The following IL2RB variants were observed in gnomAD, a reference collection of about 807,000 sequenced individuals.
The protein encoded by IL2RB is interleukin 2 receptor subunit beta.
In IL2RB, 17 loss-of-function variants were observed where a neutral mutation model predicts 44.2. That is an observed-to-expected ratio of 0.38 (90% confidence interval 0.26 to 0.58). The LOEUF (loss-of-function observed/expected upper bound fraction) is 0.58. Among genes scored for constraint, IL2RB ranks in the 20% least tolerant of loss-of-function variants. IL2RB has a pLI of 0.63. For synonymous variants in IL2RB, 286 were observed against 297.9 expected (o/e 0.96, Z 0.41); for missense variants, 624 against 685.5 (o/e 0.91, Z 1.00).
At chr22:37,167,392 C>T (rs1332584489) in intron 1 of IL2RB, among the ~76,000 whole-genome samples, 1 of 152,220 alleles carries the variant, frequency 6.6e-6, no homozygotes, top group Non-Finnish European at 1.5e-5. Flanking sequence ...ATGCCCTCTG[C>T]CCCAGCGACT....
intron 1 of IL2RB, among the ~76,000 whole-genome samples, chr22:37,157,388 C>G (rs1299601040): frequency 6.6e-6 from 1 of 152,132 alleles, no homozygotes; most frequent in Non-Finnish European, 1.5e-5. Context: ...CCACGCCAGC[C>G]CCCCAGGCTC....
intron 1 of IL2RB, among the ~76,000 whole-genome samples, chr22:37,172,391 G>C (rs369099703): frequency 1.5e-4 from 23 of 152,160 alleles, no homozygotes; most frequent in African/African-American, 5.6e-4. Context: ...CTGCGGTCCT[G>C]CTTCCCAAAT....
Position 37,141,018 on chromosome 22 carries a change from C to A in IL2RB, c.282+1416G>T, listed in dbSNP as rs228965. On this transcript the variant is annotated intron_variant, in intron 4 of 9. Transcript: ENST00000216223. This position sits in a 1 kb window ranked among gnomAD's most constrained non-coding sequence, Gnocchi z 4.4. The stretch of plus-strand genomic sequence containing the variant: ...CCGCTGCTAAAACTCTGGCTGCAGC[C>A]GGGAGGCGTAGCTGGGGTCTCCTGC... 1.3e-5 allele frequency among the ~76,000 whole-genome samples: 2 copies of A among 151,958 alleles called. No individual in the cohort carries two copies. The highest frequency in any genetic ancestry group is 2.9e-5 in the Non-Finnish European group (2 of 67,960).
At chr22:37,145,457 T>C (rs1922178174) in intron 1 of IL2RB, among the ~76,000 whole-genome samples, 1 of 151,792 alleles carries the variant, frequency 6.6e-6, no homozygotes, top group African/African-American at 2.4e-5. Flanking sequence ...AAGACTTGCT[T>C]CTCAGGGAAC....
intron 9 of IL2RB, among the ~76,000 whole-genome samples, chr22:37,131,594 G>A (rs966966011): frequency 3.9e-5 from 6 of 152,200 alleles, no homozygotes; most frequent in African/African-American, 1.4e-4. Context: ...TAGTATCCAC[G>A]CTAAGTTATG....
upstream of IL2RB, among the ~76,000 whole-genome samples, chr22:37,150,634 G>A (rs1922449729): frequency 6.6e-6 from 1 of 151,724 alleles, no homozygotes; most frequent in Admixed American, 6.6e-5. Context: ...AATTATTGTT[G>A]ACTAAAGTCA....
chr22:37,150,262 G>A (rs1020172450), upstream of IL2RB, among the ~76,000 whole-genome samples: 15 of 151,862 alleles, frequency 9.9e-5, no homozygotes, highest in African/African-American at 3.6e-4. Flanking sequence ...GCCTCCATCC[G>A]GTCACACACA....
At chr22:37,152,953 G>C (rs74487379), upstream of IL2RB, among the ~76,000 whole-genome samples, 1 of 17,342 alleles carries the variant, frequency 5.8e-5, no homozygotes, top group Admixed American at 6.2e-4. Flanking sequence ...TTTTTTTTTT[G>C]AGACATAGTC....
chr22:37,136,283 C>A lies in IL2RB; in HGVS notation c.648G>T (p.Glu216Asp). The change falls in exon 7 of 10, where the codon GAG becomes GAT. Residue 216 changes from glutamate to aspartate, a missense_variant. Glu to Asp is a conservative substitution (Grantham distance 45). Coordinates refer to ENST00000216223, the MANE Select transcript of IL2RB (RefSeq NM_000878.5). ...GGCTCCAGGGGCTCCAGGTCGTGAA[C>A]TCGCCTTGCAGAGGCTTGACCCGCA... ...FQVRVKPLQGEFTTWSPWSQP... is the reference protein window; with the variant it reads ...FQVRVKPLQGDFTTWSPWSQP... 2 of 1,613,098 alleles carry A rather than the reference C, an allele frequency of 1.2e-6. No individual in the cohort carries two copies. Among genetic ancestry groups the A allele is most frequent in the Non-Finnish European group, 1.7e-6 (2 of 1,179,774 alleles).
rs1339074205 is a variant in IL2RB, at chr22:37,128,723, C to T, written c.1029G>A (p.Val343=). ...TGCTGCTTAAGGATGCGGGCTCAGG[C>T]ACCTTGTCCTGCTGCAGGAGCAGCT... ...VTQLLLQQDK[V]PEPASLSSNH... is the part of the protein sequence containing the mutation. Residue 343 remains valine, a synonymous_variant, in exon 10 of 10, where the codon GTG becomes GTA. Coordinates refer to ENST00000216223, the MANE Select transcript of IL2RB (RefSeq NM_000878.5). The surrounding 1 kb of genome is among the most constrained non-coding windows in gnomAD (Gnocchi z 4.5). 1 of 1,614,172 alleles carries T rather than the reference C, an allele frequency of 6.2e-7. No homozygotes were observed. The highest frequency in any genetic ancestry group is 1.7e-5 in the Admixed American group (1 of 60,026).
chr22:37,143,458 C>T lies in IL2RB; in HGVS notation c.203+63G>A. ...AACGTTGACTCCTTGGAGTCCAGTG[C>T]ATAGGATCCAGAATATGAGATCCCA... On this transcript the variant is annotated intron_variant, in intron 3 of 9. Transcript: ENST00000216223. The T allele has an allele frequency of 3.6e-6, 4 of 1,108,168 alleles. No individual in the cohort carries two copies. The Admixed American group carries it at 5.2e-5, about 15-fold the overall frequency. 68.6% of individuals were successfully genotyped at this position (1,108,168 alleles called of 1,614,324 possible).
intron 9 of IL2RB, among the ~76,000 whole-genome samples, chr22:37,129,245 G>A (rs1344357327): frequency 2.0e-5 from 3 of 152,224 alleles, no homozygotes; most frequent in Non-Finnish European, 2.9e-5. Flanking sequence ...TGTGGGAATC[G>A]ATCCACCCAT....
At chr22:37,142,803 C>T (rs1922032699) in intron 3 of IL2RB, 1 of 550,068 alleles carries the variant, frequency 1.8e-6, no homozygotes, top group Non-Finnish European at 3.4e-6. Context: ...CTAGAGCCCT[C>T]CAAAGCTCCA....
At chr22:37,152,548 G>C (rs1186754565), upstream of IL2RB, among the ~76,000 whole-genome samples, 1 of 152,090 alleles carries the variant, frequency 6.6e-6, no homozygotes, top group Non-Finnish European at 1.5e-5. Context: ...TTCCAATTTG[G>C]ATGCCCTTTA....
chr22:37,144,601 C>T (rs1480948914), intron 1 of IL2RB, among the ~76,000 whole-genome samples: 1 of 152,068 alleles, frequency 6.6e-6, no homozygotes, highest in African/African-American at 2.4e-5. Context: ...AAAAATTAGC[C>T]GGGCAAGGTG....
At chr22:37,133,197 C>G (rs1921517423) in intron 8 of IL2RB, among the ~76,000 whole-genome samples, 1 of 152,164 alleles carries the variant, frequency 6.6e-6, no homozygotes, top group Non-Finnish European at 1.5e-5. Flanking sequence ...GCAAGAACGA[C>G]AAGGAGGAGG....
chr22:37,144,108 G>T lies in IL2RB; in HGVS notation c.65C>A (p.Ser22Tyr). ...LLILLLPLAT[S>Y]WASAAVNGTS... is the part of the protein sequence containing the mutation. Reference sequence around the variant, plus strand: ...ACCATTCACCGCTGCAGATGCCCAAGAGGTAGCCAGGGGCAGGAGGAGGAT... The same window carrying T: ...ACCATTCACCGCTGCAGATGCCCAATAGGTAGCCAGGGGCAGGAGGAGGAT... Residue 22 changes from serine (S) to tyrosine (Y), a missense_variant, in exon 2 of 10, where the codon TCT (serine) becomes TAT (tyrosine). Ser to Tyr is a moderately radical substitution (Grantham distance 144). This residue lies in a region of IL2RB where 78 missense variants were observed against 70.0 expected (regional missense o/e 1.11). Transcript: ENST00000216223. 6.4e-7 allele frequency: 1 copy of T among 1,552,506 alleles called. No individual in the cohort carries two copies. The highest frequency in any genetic ancestry group is 1.2e-5 in the South Asian group (1 of 84,106).
rs1203317038 is a variant in IL2RB at position 37,166,268 on chromosome 22, G to GC, written c.-34+8689dup. ...GGGCACTCAGCGCCAGAGCCTCCCC[G>GC]CCCCCCCACCTCCTGCCGAGAGGAA... is the stretch of plus-strand genomic sequence containing the variant. On this transcript the variant is annotated intron_variant, in intron 1 of 5. Coordinates refer to the IL2RB transcript ENST00000429622. 4.9e-5 allele frequency among the ~76,000 whole-genome samples: 7 copies of GC among 143,906 alleles called. No homozygotes were observed. In the South Asian group the frequency reaches 7.6e-4, roughly 16 times the overall value. The allele number at this position is 143,906 out of a possible 152,430, so 94.4% of individuals were successfully genotyped here.
chr22:37,144,499 C>T (rs1377325796), intron 1 of IL2RB, among the ~76,000 whole-genome samples: 1 of 152,216 alleles, frequency 6.6e-6, no homozygotes, highest in Non-Finnish European at 1.5e-5. Context: ...AATCCCAGCA[C>T]TTTGGGAGGT....
Sources: gnomAD v4.1 joint callset for allele counts (sites outside exome capture counted in the v4.1 genomes callset) on GRCh38, gnomAD v4.1.1 for gene constraint, gnomAD v4.1.1 regional missense constraint, Gnocchi (gnomAD v3.1) non-coding constraint, MANE v1.5 for transcripts, NCBI Gene and HGNC (gene_info 2026-07-23, HGNC 2026-07-21) for gene names.